PRKRIP1: variants seen among roughly 807,000 people sequenced by gnomAD.
PRKRIP1 encodes the protein PRKR interacting protein 1.
PRKRIP1 carries 29 observed loss-of-function variants against 29.3 expected under a neutral mutation model. The ratio of observed to expected loss-of-function variants is 0.99; its 90% CI spans 0.74 to 1.35. The LOEUF (loss-of-function observed/expected upper bound fraction) is 1.35. Among genes scored for constraint, PRKRIP1 ranks in the 40% most tolerant of loss-of-function variants. The pLI, the probability that PRKRIP1 is intolerant of heterozygous loss-of-function variation, is 0.00. For missense variants in PRKRIP1, 247 were observed against 236.8 expected (o/e 1.04, Z -0.28); for synonymous variants, 90 against 85.1 (o/e 1.06, Z -0.32).
chr7:102,397,839 A>G lies in PRKRIP1; in HGVS notation c.205+141A>G, dbSNP rs1455117547. 8 of 627,924 alleles carry G rather than the reference A, an allele frequency of 1.3e-5. No homozygotes were observed. In the South Asian group the frequency reaches 1.7e-4, roughly 14 times the overall value. The allele number at this position is 627,924 out of a possible 1,614,324, so 38.9% of individuals were successfully genotyped here. A position where few individuals can be genotyped will look rare whatever the true frequency, so the allele number is the denominator to read the frequency against. ...GGCGGGCGGATCATGAGGTCAGGAG[A>G]TCGAGACCATCCTGGCTAACACGGT... On this transcript the variant is annotated intron_variant, in intron 2 of 5. Transcript: ENST00000397912.
intron 5 of PRKRIP1, among the ~76,000 whole-genome samples, chr7:102,419,542 TC>T (rs1310386263): frequency 6.6e-6 from 1 of 152,170 alleles, no homozygotes. Flanking sequence ...CTAAAACAAT[TC>T]CGTGTTTCCC....
chr7:102,399,620 A>G lies in PRKRIP1; in HGVS notation c.278A>G (p.Gln93Arg), dbSNP rs149437659. 8 of 1,613,940 alleles carry G rather than the reference A, an allele frequency of 5.0e-6. No individual in the cohort carries two copies. Among genetic ancestry groups the G allele is most frequent in the Non-Finnish European group, 6.8e-6 (8 of 1,179,938 alleles). ...RHLRRREYQR[Q>R]DYMDAMAEKQ... ...CTGCGCCGGAGAGAATATCAGCGACAGGACTACATGGATGCCATGGCTGAG... is the reference window on the plus strand; with the variant it reads ...CTGCGCCGGAGAGAATATCAGCGACGGGACTACATGGATGCCATGGCTGAG... The change falls in exon 3 of 6, where the codon CAG becomes CGG. Residue 93 changes from glutamine (Q) to arginine (R), a missense_variant. Around this residue, in one of 3 missense-constraint regions of PRKRIP1, gnomAD observed 134 missense variants for 126.6 expected, o/e 1.06. Transcript: ENST00000397912.
intron 5 of PRKRIP1, among the ~76,000 whole-genome samples, chr7:102,420,483 A>C (rs797031608): frequency 6.6e-6 from 1 of 152,202 alleles, no homozygotes; most frequent in Non-Finnish European, 1.5e-5. Flanking sequence ...TATCACCAAC[A>C]TGAAGCATAG....
At chr7:102,424,986 CTG>C (rs1563626785) in intron 5 of PRKRIP1, 26 bp from the exon 6 acceptor site, 1 of 1,602,844 alleles carries the variant, frequency 6.2e-7, no homozygotes, top group East Asian at 2.2e-5. Context: ...TTTTGCATGT[CTG>C]TAATTTGAAT....
Position 102,396,377 on chromosome 7 carries a change from A to T in PRKRIP1, c.-35A>T. 1 of 1,496,036 alleles carries T rather than the reference A, an allele frequency of 6.7e-7. No individual in the cohort carries two copies. Among genetic ancestry groups the T allele is most frequent in the Non-Finnish European group, 8.9e-7 (1 of 1,128,070 alleles). The allele number at this position is 1,496,036 out of a possible 1,614,324, so 92.7% of individuals were successfully genotyped here. A position where few individuals can be genotyped will look rare whatever the true frequency, so the allele number is the denominator to read the frequency against. On this transcript the variant is annotated 5_prime_UTR_variant, in exon 1 of 6. Transcript: ENST00000397912. Reference sequence around the variant, plus strand: ...GCTGTGTCGTCATACTTGCGCGCCGACGCCGCCGCTCGCTTGTGAAACTGG... The same window carrying T: ...GCTGTGTCGTCATACTTGCGCGCCGTCGCCGCCGCTCGCTTGTGAAACTGG...
chr7:102,424,953 A>C, intron 5 of PRKRIP1, 61 bp from the exon 6 acceptor site: 1 of 1,547,516 alleles, frequency 6.5e-7, no homozygotes, highest in African/African-American at 1.4e-5. Flanking sequence ...CTCCTCTTTG[A>C]AAGCACCCTT....
At chr7:102,410,246 C>G (rs373396185) in intron 5 of PRKRIP1, among the ~76,000 whole-genome samples, 1 of 152,096 alleles carries the variant, frequency 6.6e-6, no homozygotes, top group Non-Finnish European at 1.5e-5. Flanking sequence ...CTCTGGTGGC[C>G]CTCTAGAGTC....
At chr7:102,415,688 A>G (rs1554573007) in intron 5 of PRKRIP1, among the ~76,000 whole-genome samples, 1 of 152,252 alleles carries the variant, frequency 6.6e-6, no homozygotes, top group African/African-American at 2.4e-5. Flanking sequence ...CTGTGAGGTT[A>G]GTCAGTGGTG....
intron 5 of PRKRIP1, among the ~76,000 whole-genome samples, chr7:102,416,683 G>T (rs1296686053): frequency 4.9e-5 from 7 of 143,180 alleles, no homozygotes; most frequent in Non-Finnish European, 4.6e-5. Flanking sequence ...TTTGTGGGGT[G>T]TTTTTTTTTT....
chr7:102,424,329 G>A (rs188289603), intron 5 of PRKRIP1, among the ~76,000 whole-genome samples: 6 of 152,370 alleles, frequency 3.9e-5, no homozygotes, highest in Admixed American at 2.0e-4. Flanking sequence ...CCGTGCCTGC[G>A]GCCGGCGTCC....
chr7:102,399,688 G>C, intron 3 of PRKRIP1, 40 bp downstream of exon 3: 1 of 1,481,204 alleles, frequency 6.8e-7, no homozygotes, highest in Non-Finnish European at 9.4e-7. Flanking sequence ...CCATGTTTGG[G>C]CAGTGTGCGT....
chr7:102,398,959 T>C (rs1048416008), intron 2 of PRKRIP1, among the ~76,000 whole-genome samples: 4 of 152,040 alleles, frequency 2.6e-5, no homozygotes, highest in Non-Finnish European at 5.9e-5. Context: ...TCATCTCTAC[T>C]AAAAATGTAA....
chr7:102,409,336 T>A (rs768432659), intron 5 of PRKRIP1, among the ~76,000 whole-genome samples: 1 of 152,148 alleles, frequency 6.6e-6, no homozygotes. Flanking sequence ...TAGGACCTCA[T>A]CTCTCAAATA....
intron 5 of PRKRIP1, among the ~76,000 whole-genome samples, chr7:102,417,374 C>G (rs1441636219): frequency 1.3e-5 from 2 of 152,098 alleles, no homozygotes; most frequent in East Asian, 1.9e-4. Flanking sequence ...TCCTCCCTGA[C>G]AGTGGAGAAT....
chr7:102,417,855 A>G (rs1796595993), intron 5 of PRKRIP1, among the ~76,000 whole-genome samples: 1 of 151,766 alleles, frequency 6.6e-6, no homozygotes, highest in East Asian at 1.9e-4. Flanking sequence ...TCCTGGGCTC[A>G]AGCAGTCCCC....
intron 4 of PRKRIP1, among the ~76,000 whole-genome samples, chr7:102,406,648 G>A (rs1325243417): frequency 6.6e-6 from 1 of 152,038 alleles, no homozygotes; most frequent in South Asian, 2.1e-4. Context: ...GGCTGGCCAC[G>A]ATGCTCATCT....
At chr7:102,417,160 T>A (rs1338156090) in intron 5 of PRKRIP1, among the ~76,000 whole-genome samples, 1 of 152,084 alleles carries the variant, frequency 6.6e-6, no homozygotes, top group Admixed American at 6.6e-5. Context: ...TGGCTAATTT[T>A]GGTATTTTTT....
rs377427302 is a variant in PRKRIP1 at position 102,425,546 on chromosome 7, C to T, written c.*435C>T. The T allele has an allele frequency of 7.0e-6, 2 of 284,812 alleles. No individual in the cohort carries two copies. The highest frequency in any genetic ancestry group is 4.7e-5 in the African/African-American group (2 of 42,616). 17.6% of individuals were successfully genotyped at this position (284,812 alleles called of 1,614,324 possible). A position where few individuals can be genotyped will look rare whatever the true frequency, so the allele number is the denominator to read the frequency against. On this transcript the variant is annotated 3_prime_UTR_variant, in exon 6 of 6. Transcript: ENST00000397912. ...GGGACTGAAGACACATTACGTGGACCTGGTCCCAGGCTCAGTGAGGAGATG... is the reference window on the plus strand; with the variant it reads ...GGGACTGAAGACACATTACGTGGACTTGGTCCCAGGCTCAGTGAGGAGATG...
chr7:102,410,759 C>G (rs949056136), intron 5 of PRKRIP1, among the ~76,000 whole-genome samples: 2 of 152,138 alleles, frequency 1.3e-5, no homozygotes, highest in Non-Finnish European at 2.9e-5. Flanking sequence ...TTTGGAGGCC[C>G]TTACTCTTCC....
Sources: gnomAD v4.1 joint callset for allele counts (sites outside exome capture counted in the v4.1 genomes callset) on GRCh38, gnomAD v4.1.1 for gene constraint, gnomAD v4.1.1 regional missense constraint, MANE v1.5 for transcripts, NCBI Gene and HGNC (gene_info 2026-07-23, HGNC 2026-07-21) for gene names.